Variants in RAB37 observed in about 807,000 individuals in gnomAD.
RAB37 encodes the protein RAB37, member RAS oncogene family.
In RAB37, 29 loss-of-function variants were observed where a neutral mutation model predicts 33.1. The ratio of observed to expected loss-of-function variants is 0.88; its 90% CI spans 0.65 to 1.20. The LOEUF is 1.20. Among genes scored for constraint, RAB37 ranks in the 50% most tolerant of loss-of-function variants. The pLI, the probability that RAB37 is intolerant of heterozygous loss-of-function variation, is 0.00. For missense variants in RAB37, 299 were observed against 301.1 expected, an observed-to-expected ratio of 0.99 and a Z score of 0.05; for synonymous variants, 128 against 119.5, an observed-to-expected ratio of 1.07 and a Z score of -0.47.
Position 74,676,778 on chromosome 17 carries a change from C to T in RAB37, c.72+5120C>T, listed in dbSNP as rs1023737685. Among the ~76,000 whole-genome samples the T allele has an allele frequency of 6.6e-6, 1 of 152,172 alleles. No individual in the cohort carries two copies. Among genetic ancestry groups the T allele is most frequent in the African/African-American group, 2.4e-5 (1 of 41,438 alleles). On this transcript the variant is annotated intron_variant, in intron 1 of 7. Transcript: ENST00000340415. The surrounding 1 kb of genome is among the most constrained non-coding windows in gnomAD (Gnocchi z 4.1). ...AGTGTCCTAAGAAAGATACGGGTAG[C>T]TGCAAGGGAGTGACCCAGGAAGAAA... is the stretch of plus-strand genomic sequence containing the variant.
chr17:74,702,721 G>A (rs1002757109), intron 1 of RAB37, among the ~76,000 whole-genome samples: 11 of 152,116 alleles, frequency 7.2e-5, no homozygotes, highest in South Asian at 4.2e-4. Flanking sequence ...TGAGCTCCAC[G>A]GGGACAGTCC....
At chr17:74,686,465 A>G in intron 1 of RAB37, among the ~76,000 whole-genome samples, 1 of 151,886 alleles carries the variant, frequency 6.6e-6, no homozygotes, top group Middle Eastern at 3.2e-3. Flanking sequence ...ATCTCAGCTC[A>G]CTGCAACCTC....
chr17:74,725,596 A>T (rs1567808838), intron 1 of RAB37, among the ~76,000 whole-genome samples: 1 of 152,028 alleles, frequency 6.6e-6, no homozygotes, highest in Non-Finnish European at 1.5e-5. Flanking sequence ...ACGATGGCCT[A>T]GGTAAAAAGC....
At chr17:74,723,575 C>CTTTTTT (rs35936012) in intron 1 of RAB37, among the ~76,000 whole-genome samples, 1 of 133,184 alleles carries the variant, frequency 7.5e-6, no homozygotes, top group Admixed American at 7.7e-5. Flanking sequence ...AATTAACTAA[C>CTTTTTT]TTTTTTTTTT....
intron 1 of RAB37, among the ~76,000 whole-genome samples, chr17:74,740,208 C>G (rs962521013): frequency 6.8e-6 from 1 of 147,382 alleles, no homozygotes; most frequent in African/African-American, 2.5e-5. Context: ...AATGTTGTGA[C>G]ACAAAAAAAA....
rs918872052 is a variant in RAB37 at position 74,729,812 on chromosome 17, C to T, written c.183+446C>T. 6.6e-6 allele frequency among the ~76,000 whole-genome samples: 1 copy of T among 152,010 alleles called. No homozygotes were observed. Among genetic ancestry groups the T allele is most frequent in the African/African-American group, 2.4e-5 (1 of 41,386 alleles). ...ATGAACGCAAGTGGAAGCCAGAAAG[C>T]AAAAAATATTTTAATATGGGATAGC... On this transcript the variant is annotated intron_variant, in intron 2 of 7. Coordinates refer to the RAB37 transcript ENST00000340415. This position sits in a 1 kb window ranked among gnomAD's most constrained non-coding sequence, Gnocchi z 4.2.
upstream of RAB37, chr17:74,737,210 T>TGGGGTGGGGGGGGGGGGGGGGGGGG: frequency 1.3e-5 from 7 of 532,558 alleles, no homozygotes; most frequent in East Asian, 6.9e-5. Flanking sequence ...GGGGCGGGGG[T>TGGGGTGGGGGGGGGGGGGGGGGGGG]GGGGCCGTTC....
chr17:74,721,698 G>A (rs1227856136), intron 1 of RAB37, among the ~76,000 whole-genome samples: 3 of 152,050 alleles, frequency 2.0e-5, no homozygotes, highest in Admixed American at 1.3e-4. Context: ...CAAAGTGCTG[G>A]GATTACAGGC....
chr17:74,742,360 C>A lies in RAB37; in HGVS notation c.246+65C>A. 1 of 1,325,102 alleles carries A rather than the reference C, an allele frequency of 7.5e-7. No homozygotes were observed. The highest frequency in any genetic ancestry group is 1.1e-6 in the Non-Finnish European group (1 of 935,154). 82.1% of individuals were successfully genotyped at this position (1,325,102 alleles called of 1,614,324 possible). On this transcript the variant is annotated intron_variant, in intron 3 of 8. Coordinates refer to ENST00000392613, the MANE Select transcript of RAB37 (RefSeq NM_001006638.3). This position sits in a 1 kb window ranked among gnomAD's most constrained non-coding sequence, Gnocchi z 4.0. ...ACCTGCCCTTCCTTCTCACCCTGAA[C>A]CACAGGAGGCCTGCAGCCCTGCCCT... is the stretch of plus-strand genomic sequence containing the variant.
rs2034719439 is a variant in RAB37, at chr17:74,744,979, T to C, written c.490-29T>C. 6.2e-7 allele frequency: 1 copy of C among 1,614,236 alleles called. No homozygotes were observed. The highest frequency in any genetic ancestry group is 8.5e-7 in the Non-Finnish European group (1 of 1,180,016). On this transcript the variant is annotated intron_variant, in intron 7 of 8. Coordinates refer to ENST00000392613, the MANE Select transcript of RAB37 (RefSeq NM_001006638.3). The surrounding 1 kb of genome is among the most constrained non-coding windows in gnomAD (Gnocchi z 4.2). ...GTGAAGGGTGGGGGCAACCCGACGC[T>C]GGCCCTGAGGACACTCTCTCCCGGG... is the stretch of plus-strand genomic sequence containing the variant.
chr17:74,739,123 G>A (rs2034547676), intron 1 of RAB37, among the ~76,000 whole-genome samples: 1 of 152,140 alleles, frequency 6.6e-6, no homozygotes, highest in South Asian at 2.1e-4. Flanking sequence ...GCCCACAACA[G>A]GAATGCCTTT....
chr17:74,728,766 T>C (rs988807910), intron 1 of RAB37, among the ~76,000 whole-genome samples: 1 of 152,144 alleles, frequency 6.6e-6, no homozygotes, highest in Non-Finnish European at 1.5e-5. Flanking sequence ...ATGTGTCTTG[T>C]GCATGTATGT....
rs747410669 is a variant in RAB37 at position 74,695,173 on chromosome 17, TGTTGCAGTAGGTCG to T, written c.72+23519_72+23532del. The T allele has an allele frequency of 8.7e-6, 14 of 1,614,140 alleles. No individual in the cohort carries two copies. The East Asian group carries it at 3.1e-4, about 36-fold the overall frequency. On this transcript the variant is annotated intron_variant, in intron 1 of 7. Transcript: ENST00000340415. ...GGGAGGTGGCTACTGAGGTGGCCCATGTTGCAGTAGGTCGGTTCCTGATCCTCAGCACCCAAGGT... is the reference window on the plus strand; with the variant it reads ...GGGAGGTGGCTACTGAGGTGGCCCATGTTCCTGATCCTCAGCACCCAAGGT...
intron 1 of RAB37, chr17:74,713,076 G>A: frequency 1.8e-6 from 1 of 541,996 alleles, no homozygotes; most frequent in Non-Finnish European, 3.3e-6. Flanking sequence ...GGAGGCCAAG[G>A]CGGGCGGATC....
intron 1 of RAB37, among the ~76,000 whole-genome samples, chr17:74,672,280 A>C (rs899632082): frequency 3.9e-5 from 2 of 51,766 alleles, no homozygotes; most frequent in African/African-American, 1.3e-4. Flanking sequence ...GAAAAATAGT[A>C]GCCTCTCTCA....
In RAB37 at chr17:74,676,855, T is replaced by A. The variant is rs1451411287; in HGVS notation, c.72+5197T>A. Among the ~76,000 whole-genome samples the A allele has an allele frequency of 2.0e-5, 3 of 152,100 alleles. No homozygotes were observed. Among genetic ancestry groups the A allele is most frequent in the African/African-American group, 4.8e-5 (2 of 41,412 alleles). On this transcript the variant is annotated intron_variant, in intron 1 of 7. Transcript: ENST00000340415. This position sits in a 1 kb window ranked among gnomAD's most constrained non-coding sequence, Gnocchi z 4.1. ...GTCCTCTCTCACTTATGGCTTCTGA[T>A]TAAAGTTAACCTCCAGGCTTGGCAC...
chr17:74,695,101 G>T (rs1567780450), intron 1 of RAB37: 5 of 1,613,560 alleles, frequency 3.1e-6, no homozygotes, highest in Non-Finnish European at 4.2e-6. Flanking sequence ...GCAGGCTAAG[G>T]CCTGCTGATG....
At chr17:74,737,478 G>C in intron 1 of RAB37, 113 bp downstream of exon 1, 1 of 1,191,662 alleles carries the variant, frequency 8.4e-7, no homozygotes, top group Non-Finnish European at 1.2e-6. Flanking sequence ...CCAGAGGAGG[G>C]AGGGAGAGAG....
intron 1 of RAB37, among the ~76,000 whole-genome samples, chr17:74,714,829 G>A (rs1212675930): frequency 6.6e-6 from 1 of 152,090 alleles, no homozygotes. Flanking sequence ...GGATATAAAA[G>A]GATTAGGAAG....
Sources: allele counts gnomAD v4.1 joint callset (sites outside exome capture counted in the v4.1 genomes callset), GRCh38; gene constraint gnomAD v4.1.1; non-coding constraint Gnocchi (gnomAD v3.1); transcripts MANE v1.5; gene names NCBI Gene and HGNC (gene_info 2026-07-23, HGNC 2026-07-21).